LIPC: variants seen among roughly 807,000 people sequenced by gnomAD.
LIPC encodes lipase C, hepatic type, also known as hepatic triacylglycerol lipase.
A neutral mutation model predicts 50.7 loss-of-function variants in LIPC; 44 were observed. The ratio of observed to expected loss-of-function variants is 0.87; its 90% CI spans 0.68 to 1.11. LIPC has a LOEUF of 1.11. Among genes scored for constraint, LIPC ranks in the 50% most tolerant of loss-of-function variants. The probability of loss-of-function intolerance (pLI) is 0.00; values close to 1 mark genes in which losing one functional copy is unlikely to be tolerated. For synonymous variants in LIPC, 271 were observed against 256.4 expected (o/e 1.06, Z -0.54); for missense variants, 697 against 648.2 (o/e 1.08, Z -0.82).
intron 1 of LIPC, among the ~76,000 whole-genome samples, chr15:58,526,409 C>T (rs1277185634): frequency 6.6e-6 from 1 of 152,144 alleles, no homozygotes; most frequent in African/African-American, 2.4e-5. Flanking sequence ...ACAGAGCATC[C>T]CACAGCTGGA....
At chr15:58,550,771 G>A (rs1017749666) in intron 6 of LIPC, among the ~76,000 whole-genome samples, 49 of 151,244 alleles carry the variant, frequency 3.2e-4, no homozygotes, top group Non-Finnish European at 8.8e-5. Context: ...AGGCTGGAGG[G>A]AGGTTCCAGT....
chr15:58,500,235 A>G (rs914136800), intron 1 of LIPC, among the ~76,000 whole-genome samples: 2 of 152,168 alleles, frequency 1.3e-5, no homozygotes, highest in South Asian at 2.1e-4. Context: ...CAGTGATGTC[A>G]TCCCCTGAGG....
At chr15:58,481,165 G>A (rs551333092) in intron 1 of LIPC, among the ~76,000 whole-genome samples, 15 of 152,120 alleles carry the variant, frequency 9.9e-5, no homozygotes, top group South Asian at 2.1e-4. Flanking sequence ...GCTCCATTTC[G>A]CTAAATATCT....
rs1894469065 is a variant in LIPC, at chr15:58,568,786, T to C, written c.1459T>C (p.Cys487Arg). 1 of 1,610,620 alleles carries C rather than the reference T, an allele frequency of 6.2e-7. No individual in the cohort carries two copies. The highest frequency in any genetic ancestry group is 1.7e-5 in the Admixed American group (1 of 59,960). Residue 487 changes from cysteine to arginine, a missense_variant, in exon 9 of 9, where the codon TGT becomes CGT. Physicochemically the swap from Cys to Arg is radical, Grantham distance 180 (BLOSUM62 -3). Coordinates refer to ENST00000299022, the MANE Select transcript of LIPC (RefSeq NM_000236.3). ...RPTQEKIFVK[C>R]EIKSKTSKRK... ...AACCCAGGAAAAAATCTTCGTGAAA[T>C]GTGAAATAAAGTCTAAAACATCAAA... is the stretch of plus-strand genomic sequence containing the variant.
At chr15:58,533,191 T>A (rs1595926209) in intron 1 of LIPC, 1 of 984,768 alleles carries the variant, frequency 1.0e-6, no homozygotes. Context: ...TCAGAAGGTA[T>A]GCTTGGAGAA....
intron 8 of LIPC, chr15:58,565,607 G>A: frequency 2.8e-6 from 3 of 1,083,948 alleles, no homozygotes; most frequent in Non-Finnish European, 3.4e-6. Context: ...CACAGCTTGA[G>A]GACATTGCTC....
chr15:58,501,663 A>G (rs1234088752), intron 1 of LIPC, among the ~76,000 whole-genome samples: 1 of 152,132 alleles, frequency 6.6e-6, no homozygotes, highest in Non-Finnish European at 1.5e-5. Context: ...TGCCGTGAAT[A>G]TATTTACCAG....
intron 2 of LIPC, 27 bp downstream of exon 2, chr15:58,538,544 C>A: frequency 6.2e-7 from 1 of 1,607,258 alleles, no homozygotes; most frequent in African/African-American, 1.3e-5. Context: ...TGCCGTTTTT[C>A]TCTCCGATTT....
chr15:58,494,491 G>C (rs539283126), intron 1 of LIPC, among the ~76,000 whole-genome samples: 1 of 152,196 alleles, frequency 6.6e-6, no homozygotes, highest in Non-Finnish European at 1.5e-5. Context: ...TAATAGACTC[G>C]TCAGGGCTTG....
intron 6 of LIPC, among the ~76,000 whole-genome samples, chr15:58,558,015 T>C (rs1894017582): frequency 6.6e-6 from 1 of 152,098 alleles, no homozygotes; most frequent in Admixed American, 6.6e-5. Flanking sequence ...CTCTCTCCAG[T>C]GGTGCCACCC....
intron 1 of LIPC, among the ~76,000 whole-genome samples, chr15:58,495,125 T>C (rs1891722074): frequency 6.6e-6 from 1 of 152,202 alleles, no homozygotes; most frequent in African/African-American, 2.4e-5. Context: ...CCCACAGAGC[T>C]GGTCAAGCAA....
chr15:58,475,152 C>CTGTCTGTCTCTCAAA (rs1890948559), intron 1 of LIPC, among the ~76,000 whole-genome samples: 1 of 152,180 alleles, frequency 6.6e-6, no homozygotes, highest in Admixed American at 6.5e-5. Context: ...GCTTTTTCTC[C>CTGTCTGTCTCTCAAA]TGTCTGTCTC....
chr15:58,559,561 A>G (rs1894078964), intron 6 of LIPC, among the ~76,000 whole-genome samples: 1 of 152,172 alleles, frequency 6.6e-6, no homozygotes, highest in African/African-American at 2.4e-5. Flanking sequence ...AACATGCCGT[A>G]TTAAACCTGT....
At chr15:58,495,437 C>T (rs1396134038) in intron 1 of LIPC, among the ~76,000 whole-genome samples, 1 of 152,182 alleles carries the variant, frequency 6.6e-6, no homozygotes, top group Non-Finnish European at 1.5e-5. Context: ...AGGACTTAAC[C>T]ATATGCTCTA....
At chr15:58,527,628 T>A (rs1892833316) in intron 1 of LIPC, among the ~76,000 whole-genome samples, 1 of 152,182 alleles carries the variant, frequency 6.6e-6, no homozygotes, top group Non-Finnish European at 1.5e-5. Context: ...CACAACACTT[T>A]CCAAACTGTG....
At chr15:58,497,707 A>G (rs1293842758) in intron 1 of LIPC, 1 of 152,292 alleles carries the variant, frequency 6.6e-6, no homozygotes, top group Non-Finnish European at 1.5e-5. Flanking sequence ...TCTATTCCCC[A>G]AATGCATACC....
intron 6 of LIPC, among the ~76,000 whole-genome samples, chr15:58,558,908 T>C (rs1894055384): frequency 6.6e-6 from 1 of 152,254 alleles, no homozygotes. Flanking sequence ...GCTTCAGAGA[T>C]AACCCCTTTA....
chr15:58,567,629 A>C (rs1237174824), intron 8 of LIPC, among the ~76,000 whole-genome samples: 5 of 152,102 alleles, frequency 3.3e-5, no homozygotes, highest in Non-Finnish European at 7.4e-5. Flanking sequence ...AATGTCTAAC[A>C]GTAGGAAAAT....
intron 1 of LIPC, among the ~76,000 whole-genome samples, chr15:58,467,850 T>C (rs1426320947): frequency 1.3e-5 from 2 of 152,210 alleles, no homozygotes; most frequent in Non-Finnish European, 2.9e-5. Flanking sequence ...TGGCAACTCT[T>C]GGTGTTCACA....
Sources: allele counts gnomAD v4.1 joint callset (sites outside exome capture counted in the v4.1 genomes callset), GRCh38; gene constraint gnomAD v4.1.1; transcripts MANE v1.5; gene names NCBI Gene and HGNC (gene_info 2026-07-23, HGNC 2026-07-21).